Variants in RAPGEF6 observed in about 807,000 individuals in gnomAD.
RAPGEF6 encodes PDZ domain containing guanine nucleotide exchange factor (GEF) 2.
In RAPGEF6, 56 loss-of-function variants were observed where a neutral mutation model predicts 171.4. The ratio of observed to expected loss-of-function variants is 0.33; its 90% CI spans 0.26 to 0.41. RAPGEF6 has a LOEUF of 0.41. Among genes scored for constraint, RAPGEF6 ranks in the 10% least tolerant of loss-of-function variants. The probability of loss-of-function intolerance (pLI) is 1.00; values close to 1 mark genes in which losing one functional copy is unlikely to be tolerated. For missense variants in RAPGEF6, 1,674 were observed against 1,921.4 expected (o/e 0.87, Z 2.41); for synonymous variants, 692 against 650.1 (o/e 1.06, Z -0.98).
At position 131,464,241 on chromosome 5, in the gene RAPGEF6, C is replaced by T. The variant is rs1006089194; in HGVS notation, c.2280G>A (p.Gln760=). The change falls in exon 18 of 28, where the codon CAG becomes CAA. Residue 760 remains glutamine, a synonymous_variant. Transcript: ENST00000509018. ...TACTGATGATAATGTAGCAACTTTG[C>T]TGATCCACTTTGAAAACTCTTATAA... ...DQVIRVFKVD[Q]QSCYIIISKD... 1.2e-6 allele frequency: 2 copies of T among 1,613,130 alleles called. No homozygotes were observed. Among genetic ancestry groups the T allele is most frequent in the Non-Finnish European group, 1.7e-6 (2 of 1,179,338 alleles).
chr5:131,490,081 A>G (rs1756180138), intron 14 of RAPGEF6, among the ~76,000 whole-genome samples: 1 of 152,192 alleles, frequency 6.6e-6, no homozygotes, highest in African/African-American at 2.4e-5. Flanking sequence ...AATATATTTA[A>G]TATGATTTTC....
At chr5:131,624,048 TGAA>T (rs887934566) in intron 1 of RAPGEF6, among the ~76,000 whole-genome samples, 1 of 152,122 alleles carries the variant, frequency 6.6e-6, no homozygotes, top group Non-Finnish European at 1.5e-5. Context: ...GAGCTTTCAG[TGAA>T]GAATCAGAAT....
At chr5:131,457,646 A>T (rs966212678) in intron 19 of RAPGEF6, among the ~76,000 whole-genome samples, 1 of 152,104 alleles carries the variant, frequency 6.6e-6, no homozygotes, top group African/African-American at 2.4e-5. Context: ...CCAAATGTGG[A>T]TCAAAAATAC....
intron 15 of RAPGEF6, among the ~76,000 whole-genome samples, chr5:131,485,739 T>A (rs1056978396): frequency 4.6e-5 from 7 of 152,254 alleles, no homozygotes; most frequent in African/African-American, 1.4e-4. Context: ...AGGTTTACTA[T>A]TAAGTTCAGT....
At chr5:131,485,090 C>T (rs1340874494) in intron 15 of RAPGEF6, among the ~76,000 whole-genome samples, 1 of 152,014 alleles carries the variant, frequency 6.6e-6, no homozygotes, top group African/African-American at 2.4e-5. Context: ...CCATGCCCAG[C>T]TAAATTTTAG....
At chr5:131,587,620 A>G (rs1285423619) in intron 4 of RAPGEF6, among the ~76,000 whole-genome samples, 1 of 152,182 alleles carries the variant, frequency 6.6e-6, no homozygotes, top group African/African-American at 2.4e-5. Context: ...ATACTCCAAA[A>G]TATGGTGCTT....
At chr5:131,570,166 T>A (rs1762194570) in intron 4 of RAPGEF6, among the ~76,000 whole-genome samples, 1 of 150,062 alleles carries the variant, frequency 6.7e-6, no homozygotes, top group Non-Finnish European at 1.5e-5. Context: ...GACAGTACAA[T>A]TTAAAAATGG....
intron 10 of RAPGEF6, 39 bp downstream of exon 10, chr5:131,505,325 C>G (rs764060681): frequency 6.2e-7 from 1 of 1,604,816 alleles, no homozygotes; most frequent in Non-Finnish European, 8.5e-7. Context: ...CTACTTTAAA[C>G]CAACAGACAA....
At chr5:131,435,318 A>G (rs546626419) in intron 24 of RAPGEF6, among the ~76,000 whole-genome samples, 1 of 152,344 alleles carries the variant, frequency 6.6e-6, no homozygotes, top group South Asian at 2.1e-4. Context: ...GTCAATGTCC[A>G]TGAGCTGATT....
intron 6 of RAPGEF6, among the ~76,000 whole-genome samples, chr5:131,528,594 G>C (rs1302965325): frequency 6.6e-6 from 1 of 151,856 alleles, no homozygotes; most frequent in African/African-American, 2.4e-5. Context: ...CTAAGACAAA[G>C]TAATCTCCCC....
In RAPGEF6 at chr5:131,501,752, G is replaced by A. The variant is rs188927407; in HGVS notation, c.1254+2874C>T. 2.6e-5 allele frequency among the ~76,000 whole-genome samples: 4 copies of A among 152,212 alleles called. No homozygotes were observed. The East Asian group carries it at 7.7e-4, about 29-fold the overall frequency. ...ATAACAAGAGGCATTGTTGGAGAAGGTATTTACAAATATAGAAGGGAATAG... is the reference window on the plus strand; with the variant it reads ...ATAACAAGAGGCATTGTTGGAGAAGATATTTACAAATATAGAAGGGAATAG... On this transcript the variant is annotated intron_variant, in intron 11 of 27. Transcript: ENST00000509018.
Position 131,539,402 on chromosome 5 carries a change from T to C in RAPGEF6, c.495+8645A>G, listed in dbSNP as rs1759986933. ...CTCCTAATGATTGATCCAACAATAG[T>C]GCTTACACCTCCTTTAGTTTGACTT... On this transcript the variant is annotated intron_variant, in intron 6 of 27. Coordinates refer to ENST00000509018, the MANE Select transcript of RAPGEF6 (RefSeq NM_016340.6). Among the ~76,000 whole-genome samples the C allele has an allele frequency of 3.9e-5, 6 of 152,326 alleles. No homozygotes were observed. The South Asian group carries it at 1.2e-3, about 32-fold the overall frequency.
chr5:131,627,375 T>C (rs145602209), intron 1 of RAPGEF6, among the ~76,000 whole-genome samples: 77 of 152,346 alleles, frequency 5.1e-4, no homozygotes, highest in African/African-American at 1.8e-3. Flanking sequence ...AACAAAAAGT[T>C]AGCAGTTCCA....
At chr5:131,487,445 A>C (rs1220753722) in intron 15 of RAPGEF6, among the ~76,000 whole-genome samples, 2 of 152,002 alleles carry the variant, frequency 1.3e-5, no homozygotes, top group East Asian at 3.9e-4. Flanking sequence ...CATTTTACAG[A>C]GTGCTAATTG....
chr5:131,621,919 T>C (rs1268771012), intron 1 of RAPGEF6, among the ~76,000 whole-genome samples: 1 of 152,168 alleles, frequency 6.6e-6, no homozygotes, highest in Non-Finnish European at 1.5e-5. Flanking sequence ...GAGCACCTGA[T>C]ATTTATAATT....
At chr5:131,563,989 A>G (rs2149970278) in intron 4 of RAPGEF6, among the ~76,000 whole-genome samples, 1 of 152,334 alleles carries the variant, frequency 6.6e-6, no homozygotes, top group South Asian at 2.1e-4. Context: ...ATATAAAACA[A>G]CAATTTCAAG....
chr5:131,510,770 T>C (rs1279295367), intron 7 of RAPGEF6, among the ~76,000 whole-genome samples: 2 of 152,174 alleles, frequency 1.3e-5, no homozygotes, highest in African/African-American at 4.8e-5. Flanking sequence ...TGTATTAATA[T>C]CTGTTTTCCA....
chr5:131,440,411 A>G (rs145338686), intron 23 of RAPGEF6, among the ~76,000 whole-genome samples: 115 of 152,290 alleles, frequency 7.6e-4, no homozygotes, highest in South Asian at 6.4e-3. Flanking sequence ...TTCTCTAAGA[A>G]ATGTCAGAGA....
In RAPGEF6 at chr5:131,495,970, C is replaced by A. The variant is rs531907733; in HGVS notation, c.1420-310G>T. ...AAAATGCAAACTTCATGTCATAAAG[C>A]AGGCAATCCTATCAATCAAAAATCC... is the stretch of plus-strand genomic sequence containing the variant. On this transcript the variant is annotated intron_variant, in intron 12 of 27. Transcript: ENST00000509018. 2.0e-5 allele frequency among the ~76,000 whole-genome samples: 3 copies of A among 152,340 alleles called. No homozygotes were observed. In the East Asian group the frequency reaches 5.8e-4, roughly 29 times the overall value.
Sources: gnomAD v4.1 joint callset for allele counts (sites outside exome capture counted in the v4.1 genomes callset) on GRCh38, gnomAD v4.1.1 for gene constraint, MANE v1.5 for transcripts, NCBI Gene and HGNC (gene_info 2026-07-23, HGNC 2026-07-21) for gene names.